Variants in NRG3 observed in about 807,000 individuals in gnomAD.
NRG3 encodes the protein neuregulin 3, also known as pro-neuregulin-3, membrane-bound isoform.
NRG3 carries 31 observed loss-of-function variants against 66.9 expected under a neutral mutation model. The observed-to-expected ratio is 0.46, with a 90% CI of 0.35 to 0.63. The LOEUF is 0.63. Ranked by LOEUF, NRG3 falls within the 20% of genes least tolerant of loss-of-function variation. The pLI, the probability that NRG3 is intolerant of heterozygous loss-of-function variation, is 0.00. For missense variants in NRG3, 910 were observed against 878.9 expected (o/e 1.04, Z -0.45); for synonymous variants, 393 against 359.4 (o/e 1.09, Z -1.06).
At chr10:81,948,101 C>G (rs1203758306) in intron 1 of NRG3, among the ~76,000 whole-genome samples, 2 of 152,122 alleles carry the variant, frequency 1.3e-5, no homozygotes, top group Non-Finnish European at 2.9e-5. Flanking sequence ...GTAACTGAAG[C>G]CTGTGGGCAT....
intron 2 of NRG3, among the ~76,000 whole-genome samples, chr10:82,553,792 A>T (rs917574980): frequency 2.0e-5 from 3 of 152,184 alleles, no homozygotes; most frequent in Non-Finnish European, 4.4e-5. Context: ...ACAATTACTC[A>T]GTTCTAACAC....
intron 1 of NRG3, among the ~76,000 whole-genome samples, chr10:82,060,485 G>A (rs2064085561): frequency 6.6e-6 from 1 of 152,098 alleles, no homozygotes; most frequent in South Asian, 2.1e-4. Flanking sequence ...TAGTAATTTT[G>A]GTGGTTATGC....
At chr10:82,708,392 A>G (rs1445393256) in intron 2 of NRG3, among the ~76,000 whole-genome samples, 2 of 152,124 alleles carry the variant, frequency 1.3e-5, no homozygotes, top group African/African-American at 2.4e-5. Context: ...AGTTTGGTGT[A>G]CAGATTACTT....
chr10:82,346,232 A>G (rs1262494978), intron 1 of NRG3, among the ~76,000 whole-genome samples: 7 of 150,432 alleles, frequency 4.7e-5, no homozygotes, highest in African/African-American at 2.5e-5. Context: ...ATTTTGAAAT[A>G]CGTCCCATCA....
At chr10:82,157,336 A>G (rs922311757) in intron 1 of NRG3, among the ~76,000 whole-genome samples, 3 of 151,746 alleles carry the variant, frequency 2.0e-5, no homozygotes, top group Admixed American at 6.6e-5. Context: ...AAGATATTTA[A>G]TAGCTACAAG....
At chr10:82,532,859 T>A (rs917310589) in intron 2 of NRG3, among the ~76,000 whole-genome samples, 1 of 151,596 alleles carries the variant, frequency 6.6e-6, no homozygotes, top group Non-Finnish European at 1.5e-5. Context: ...TTTTTTCCAT[T>A]GATGCCGCAC....
intron 1 of NRG3, among the ~76,000 whole-genome samples, chr10:82,140,402 A>G (rs1452281722): frequency 2.0e-5 from 3 of 152,234 alleles, no homozygotes; most frequent in African/African-American, 7.2e-5. Flanking sequence ...ACAAAGTATC[A>G]GAAATAGTTT....
intron 1 of NRG3, among the ~76,000 whole-genome samples, chr10:82,129,186 T>G (rs2132469594): frequency 6.6e-6 from 1 of 152,154 alleles, no homozygotes; most frequent in African/African-American, 2.4e-5. Context: ...GTGCTGGGAT[T>G]ACAGGCATAA....
chr10:82,011,408 G>A (rs540810041), intron 1 of NRG3, among the ~76,000 whole-genome samples: 5 of 152,116 alleles, frequency 3.3e-5, no homozygotes, highest in Admixed American at 6.5e-5. Flanking sequence ...TTTGGGTGGG[G>A]ACACAGAGCC....
chr10:82,425,078 G>T (rs2089334763), intron 2 of NRG3, among the ~76,000 whole-genome samples: 1 of 152,030 alleles, frequency 6.6e-6, no homozygotes, highest in Non-Finnish European at 1.5e-5. Context: ...AAATTATGAA[G>T]TGTGGGTCCT....
intron 1 of NRG3, among the ~76,000 whole-genome samples, chr10:82,254,486 C>T (rs1463426892): frequency 6.6e-6 from 1 of 152,134 alleles, no homozygotes; most frequent in Non-Finnish European, 1.5e-5. Flanking sequence ...AGTGAGCACA[C>T]CCAGTGCCCA....
rs535321186 is a variant in NRG3 at position 82,408,244 on chromosome 10, G to A, written c.953+49376G>A. Among the ~76,000 whole-genome samples, 3 of 152,252 alleles carry A rather than the reference G, an allele frequency of 2.0e-5. No homozygotes were observed. In the East Asian group the frequency reaches 5.8e-4, roughly 29 times the overall value. ...AGGACAGGTACTTAAAGTGGTCAGA[G>A]AAGGCCTTTTGAGAGGATGCCCCAA... On this transcript the variant is annotated intron_variant, in intron 2 of 8. Transcript: ENST00000372141.
intron 1 of NRG3, among the ~76,000 whole-genome samples, chr10:82,208,263 G>A (rs2075225272): frequency 6.6e-6 from 1 of 152,086 alleles, no homozygotes; most frequent in East Asian, 1.9e-4. Context: ...ACACAAAATT[G>A]GAAGCCTTTT....
chr10:81,934,430 A>C (rs1387524340), intron 1 of NRG3, among the ~76,000 whole-genome samples: 1 of 152,114 alleles, frequency 6.6e-6, no homozygotes, highest in Non-Finnish European at 1.5e-5. Flanking sequence ...TAAGCATCGG[A>C]CACTCCCTCC....
At chr10:82,608,958 A>C (rs1320889175) in intron 2 of NRG3, among the ~76,000 whole-genome samples, 1 of 152,116 alleles carries the variant, frequency 6.6e-6, no homozygotes, top group Admixed American at 6.6e-5. Flanking sequence ...GCCTTGAATA[A>C]TTTGTCAATT....
intron 1 of NRG3, among the ~76,000 whole-genome samples, chr10:82,093,631 G>A (rs1183008977): frequency 6.6e-6 from 1 of 152,138 alleles, no homozygotes; most frequent in African/African-American, 2.4e-5. Flanking sequence ...CCCACTTCTT[G>A]TATCAAATAA....
At chr10:81,996,509 G>C (rs2060945122) in intron 1 of NRG3, among the ~76,000 whole-genome samples, 1 of 152,152 alleles carries the variant, frequency 6.6e-6, no homozygotes. Context: ...ATTCTGACTA[G>C]TATAAGATAT....
intron 1 of NRG3, among the ~76,000 whole-genome samples, chr10:81,910,003 G>T (rs1343434068): frequency 6.6e-6 from 1 of 152,074 alleles, no homozygotes; most frequent in Non-Finnish European, 1.5e-5. Flanking sequence ...GAATGATTTT[G>T]CACTATTGCA....
chr10:82,251,725 T>A (rs901146471), intron 1 of NRG3, among the ~76,000 whole-genome samples: 15 of 152,168 alleles, frequency 9.9e-5, no homozygotes, highest in African/African-American at 3.6e-4. Context: ...AAGGTAGGGA[T>A]CTTCGTTAAA....
Sources: allele counts gnomAD v4.1 joint callset (sites outside exome capture counted in the v4.1 genomes callset), GRCh38; gene constraint gnomAD v4.1.1; transcripts MANE v1.5; gene names NCBI Gene and HGNC (gene_info 2026-07-23, HGNC 2026-07-21).